UTRN: variants seen among roughly 807,000 people sequenced by gnomAD.
The protein encoded by UTRN is dystrophin-related protein 1.
UTRN carries 283 observed loss-of-function variants against 463.9 expected under a neutral mutation model. That is an observed-to-expected ratio of 0.61 (90% confidence interval 0.55 to 0.67). The LOEUF (loss-of-function observed/expected upper bound fraction) is 0.67. Among genes scored for constraint, UTRN ranks in the 30% least tolerant of loss-of-function variants. The pLI, the probability that UTRN is intolerant of heterozygous loss-of-function variation, is 0.00. For synonymous variants in UTRN, 1,442 were observed against 1,431.5 expected, an observed-to-expected ratio of 1.01 and a Z score of -0.17; for missense variants, 3,922 against 4,084.3, an observed-to-expected ratio of 0.96 and a Z score of 1.08.
At chr6:144,494,722 G>C (rs1305025284) in intron 33 of UTRN, among the ~76,000 whole-genome samples, 1 of 152,118 alleles carries the variant, frequency 6.6e-6, no homozygotes, top group East Asian at 1.9e-4. Context: ...TGGACACAAA[G>C]GTTCTCCAAG....
chr6:144,498,769 C>G (rs1487174813), intron 33 of UTRN, among the ~76,000 whole-genome samples: 1 of 152,102 alleles, frequency 6.6e-6, no homozygotes, highest in East Asian at 1.9e-4. Flanking sequence ...ATTCTCCCAC[C>G]TCAGCCTACT....
chr6:144,661,820 G>A (rs2128672529), intron 51 of UTRN, among the ~76,000 whole-genome samples: 1 of 152,220 alleles, frequency 6.6e-6, no homozygotes, highest in East Asian at 1.9e-4. Flanking sequence ...TTCCTAACCT[G>A]CCTCAGCTTC....
chr6:144,598,173 C>A (rs1803850772), intron 51 of UTRN, among the ~76,000 whole-genome samples: 1 of 152,156 alleles, frequency 6.6e-6, no homozygotes, highest in African/African-American at 2.4e-5. Context: ...ATCCTGATAA[C>A]ATGTGCCCAG....
intron 10 of UTRN, among the ~76,000 whole-genome samples, chr6:144,436,814 A>G (rs1239126340): frequency 7.0e-6 from 1 of 142,894 alleles, no homozygotes; most frequent in Non-Finnish European, 1.5e-5. Flanking sequence ...ATATATAAAT[A>G]AAAATAAATA....
intron 53 of UTRN, among the ~76,000 whole-genome samples, chr6:144,708,947 G>A (rs890797371): frequency 5.3e-5 from 8 of 152,172 alleles, no homozygotes; most frequent in Admixed American, 5.2e-4. Context: ...TGACAGAGAG[G>A]AGATGGAAGC....
Position 144,543,914 on chromosome 6 carries a change from T to C in UTRN, c.6595+1044T>C, listed in dbSNP as rs73600800. The stretch of plus-strand genomic sequence containing the variant: ...TGCACAAAAAGTACCTGGGGCCTGA[T>C]CAAGTTTCTTGATTAATATTCAGAA... On this transcript the variant is annotated intron_variant, in intron 46 of 74. Transcript: ENST00000367545. Among the ~76,000 whole-genome samples, 243 of 152,300 alleles carry C rather than the reference T, an allele frequency of 1.6e-3. 2 individuals carry two copies. The highest frequency in any genetic ancestry group is 5.7e-3 in the African/African-American group (237 of 41,552).
At chr6:144,611,974 G>C (rs1186603789) in intron 51 of UTRN, among the ~76,000 whole-genome samples, 2 of 152,150 alleles carry the variant, frequency 1.3e-5, no homozygotes, top group Admixed American at 6.6e-5. Context: ...ATGTTATAAA[G>C]AGACTGTAAT....
At chr6:144,676,097 T>C (rs1243202252) in intron 51 of UTRN, among the ~76,000 whole-genome samples, 1 of 152,058 alleles carries the variant, frequency 6.6e-6, no homozygotes, top group African/African-American at 2.4e-5. Context: ...ATAAATAAAT[T>C]ATTGAAATTT....
chr6:144,361,786 T>TG (rs34529156), intron 2 of UTRN, among the ~76,000 whole-genome samples: 1 of 150,136 alleles, frequency 6.7e-6, no homozygotes, highest in Non-Finnish European at 1.5e-5. Flanking sequence ...TTTTTTTTTT[T>TG]GTAGAGATGG....
intron 65 of UTRN, among the ~76,000 whole-genome samples, chr6:144,813,625 CAA>C (rs974577688): frequency 6.6e-6 from 1 of 152,046 alleles, no homozygotes; most frequent in Non-Finnish European, 1.5e-5. Flanking sequence ...AACTAGATGA[CAA>C]GAGAGATCCA....
intron 35 of UTRN, among the ~76,000 whole-genome samples, chr6:144,512,515 A>C (rs765023161): frequency 2.0e-5 from 3 of 151,602 alleles, no homozygotes; most frequent in Non-Finnish European, 4.4e-5. Context: ...TCAGGGGTAC[A>C]AGGGCAAGTT....
rs377650799 is a variant in UTRN, at chr6:144,794,364, C to T, written c.9078+373C>T. On this transcript the variant is annotated intron_variant, in intron 63 of 74. Transcript: ENST00000367545. ...TTTGGACCTGTGTCTGCTGTTTAGACGTTCTTCCTTCCCCATTGCCCACTA... is the reference window on the plus strand; with the variant it reads ...TTTGGACCTGTGTCTGCTGTTTAGATGTTCTTCCTTCCCCATTGCCCACTA... 3.9e-5 allele frequency among the ~76,000 whole-genome samples: 6 copies of T among 152,252 alleles called. No individual in the cohort carries two copies. The South Asian group carries it at 1.2e-3, about 32-fold the overall frequency.
rs530398549 is a variant in UTRN, at chr6:144,484,305, C to T, written c.3688-1080C>T. Among the ~76,000 whole-genome samples the T allele has an allele frequency of 1.2e-4, 18 of 152,032 alleles. No homozygotes were observed. The South Asian group carries it at 3.5e-3, about 30-fold the overall frequency. On this transcript the variant is annotated intron_variant, in intron 27 of 74. Coordinates refer to ENST00000367545, the MANE Select transcript of UTRN (RefSeq NM_007124.3). ...GAAAAAAGTTGGGAAGGCTACATTGCAAACTTTTACATCAGTTAGCTCCAA... is the reference window on the plus strand; with the variant it reads ...GAAAAAAGTTGGGAAGGCTACATTGTAAACTTTTACATCAGTTAGCTCCAA...
intron 3 of UTRN, among the ~76,000 whole-genome samples, chr6:144,412,884 G>T (rs1210845006): frequency 6.6e-6 from 1 of 151,928 alleles, no homozygotes; most frequent in Non-Finnish European, 1.5e-5. Context: ...AATCAGTGTC[G>T]AAGGGCTCAA....
At chr6:144,516,996 T>C (rs1326037148) in intron 39 of UTRN, 48 bp downstream of exon 39, 1 of 1,373,090 alleles carries the variant, frequency 7.3e-7, no homozygotes, top group Non-Finnish European at 9.4e-7. Context: ...CTTACTTAAC[T>C]CTTGCCATTC....
intron 2 of UTRN, among the ~76,000 whole-genome samples, chr6:144,375,740 C>T (rs1478550290): frequency 6.6e-6 from 1 of 152,068 alleles, no homozygotes; most frequent in Non-Finnish European, 1.5e-5. Context: ...CTAGCCTTGC[C>T]CTGCCAGGCG....
chr6:144,615,509 G>T (rs1370977081), intron 51 of UTRN, among the ~76,000 whole-genome samples: 11 of 151,938 alleles, frequency 7.2e-5, no homozygotes, highest in Non-Finnish European at 1.5e-5. Context: ...TACCCTTTAG[G>T]ACTTTTTCAT....
At chr6:144,808,623 C>T (rs1778350108) in intron 65 of UTRN, among the ~76,000 whole-genome samples, 1 of 151,974 alleles carries the variant, frequency 6.6e-6, no homozygotes, top group Non-Finnish European at 1.5e-5. Context: ...AGAATTTATT[C>T]ATCATATAAC....
At chr6:144,788,483 C>CAT (rs369264806) in intron 61 of UTRN, among the ~76,000 whole-genome samples, 6 of 150,140 alleles carry the variant, frequency 4.0e-5, no homozygotes, top group African/African-American at 7.3e-5. Flanking sequence ...TGTATGAAGT[C>CAT]ATATATATAT....
Sources: allele counts gnomAD v4.1 joint callset (sites outside exome capture counted in the v4.1 genomes callset), GRCh38; gene constraint gnomAD v4.1.1; transcripts MANE v1.5; gene names NCBI Gene and HGNC (gene_info 2026-07-23, HGNC 2026-07-21).